Variants in CA5A observed in about 807,000 individuals in gnomAD.
CA5A encodes carbonic anhydrase 5A.
CA5A carries 28 observed loss-of-function variants against 37.1 expected under a neutral mutation model. That is an observed-to-expected ratio of 0.75 (90% CI 0.56 to 1.03). The LOEUF (loss-of-function observed/expected upper bound fraction) is 1.03. Ranked by LOEUF, CA5A falls within the 50% of genes least tolerant of loss-of-function variation. The probability of loss-of-function intolerance (pLI) is 0.00; values close to 1 mark genes in which losing one functional copy is unlikely to be tolerated. For missense variants in CA5A, 444 were observed against 399.9 expected (o/e 1.11, Z -0.94); for synonymous variants, 171 against 158.4 (o/e 1.08, Z -0.60).
intron 2 of CA5A, among the ~76,000 whole-genome samples, chr16:87,913,661 CT>C (rs66729937): frequency 0.22 from 31,317 of 139,692 alleles, 5,119 homozygotes; most frequent in African/African-American, 0.43. Flanking sequence ...TGGCCCCCCC[CT>C]CCTCTCCAAT....
At chr16:87,926,671 C>T in intron 2 of CA5A, 77 bp downstream of exon 2, 2 of 1,170,094 alleles carry the variant, frequency 1.7e-6, no homozygotes, top group Non-Finnish European at 2.5e-6. Flanking sequence ...TCTCCTCCCC[C>T]TTCTCCGCGA....
chr16:87,891,669 A>C (rs767224228), intron 6 of CA5A, 130 bp downstream of exon 6: 10 of 842,128 alleles, frequency 1.2e-5, no homozygotes, highest in African/African-American at 1.8e-5. Context: ...TTCTTGTGTA[A>C]GAATGCCCCA....
At chr16:87,914,858 G>A (rs1186321724) in intron 2 of CA5A, among the ~76,000 whole-genome samples, 2 of 152,226 alleles carry the variant, frequency 1.3e-5, no homozygotes, top group Admixed American at 6.5e-5. Flanking sequence ...TCAGGGGAGG[G>A]GATGGGCACA....
At chr16:87,929,609 A>C (rs910168853) in intron 1 of CA5A, among the ~76,000 whole-genome samples, 4 of 152,158 alleles carry the variant, frequency 2.6e-5, no homozygotes, top group African/African-American at 9.7e-5. Context: ...GCAGTTGCTC[A>C]CGCCTATAAT....
intron 5 of CA5A, among the ~76,000 whole-genome samples, chr16:87,895,461 C>T (rs2055788467): frequency 6.6e-6 from 1 of 152,204 alleles, no homozygotes; most frequent in Non-Finnish European, 1.5e-5. Context: ...AGGAGAATCA[C>T]TTAAACCCGG....
chr16:87,924,690 T>TG (rs35253413), intron 2 of CA5A, among the ~76,000 whole-genome samples: 1 of 152,252 alleles, frequency 6.6e-6, no homozygotes, highest in East Asian at 1.9e-4. Context: ...CAGCAGGAGC[T>TG]GGGGAAGCCC....
At chr16:87,903,549 ATTG>A (rs151124453) in intron 3 of CA5A, among the ~76,000 whole-genome samples, 24,798 of 152,210 alleles carry the variant, frequency 0.16, 2,251 homozygotes, top group South Asian at 0.28. Context: ...CACAGAAGCC[ATTG>A]TTGTGCTCAT....
intron 2 of CA5A, among the ~76,000 whole-genome samples, chr16:87,909,582 G>A (rs751403220): frequency 1.2e-4 from 19 of 152,322 alleles, no homozygotes; most frequent in Middle Eastern, 3.4e-3. Flanking sequence ...CGCGCGGGGC[G>A]CACGCATTTC....
intron 1 of CA5A, among the ~76,000 whole-genome samples, chr16:87,929,655 G>A (rs12711484): frequency 0.78 from 118,340 of 151,526 alleles, 47,206 homozygotes; most frequent in African/African-American, 0.92. Context: ...GGCGGATCAC[G>A]AGGTCAGGAG....
intron 6 of CA5A, among the ~76,000 whole-genome samples, chr16:87,888,620 C>T (rs1338009384): frequency 6.6e-6 from 1 of 152,168 alleles, no homozygotes; most frequent in Non-Finnish European, 1.5e-5. Context: ...GGAATGAATC[C>T]TCTAGCCCTA....
chr16:87,931,225 C>T (rs1242995900), intron 1 of CA5A, among the ~76,000 whole-genome samples: 1 of 151,554 alleles, frequency 6.6e-6, no homozygotes, highest in Non-Finnish European at 1.5e-5. Flanking sequence ...GATTCTCCTG[C>T]CTCAGTCTCC....
chr16:87,910,459 G>C (rs1331247445), intron 2 of CA5A, among the ~76,000 whole-genome samples: 2 of 152,192 alleles, frequency 1.3e-5, no homozygotes, highest in African/African-American at 4.8e-5. Flanking sequence ...ACCTCACCCA[G>C]GTCTGACGGT....
rs142006568 is a variant in CA5A, at chr16:87,891,883, G to A, written c.690C>T (p.Tyr230=). The A allele has an allele frequency of 2.8e-4, 435 of 1,574,044 alleles. 1 individual carries two copies. Among genetic ancestry groups the A allele is most frequent in the Non-Finnish European group, 3.3e-4 (389 of 1,161,572 alleles). The part of the protein sequence containing the change: ...LLPTCWDYWT[Y]AGSLTTPPLT... ...GCGGCGGGGTGGTGAGCGAGCCCGC[G>A]TAGGTCCAGTAATCCCAGCAGGTGG... The change falls in exon 6 of 7, where the codon TAC becomes TAT. Residue 230 remains tyrosine (Y), a synonymous_variant. Transcript: ENST00000649794.
chr16:87,890,443 C>T (rs1199633928), intron 6 of CA5A, among the ~76,000 whole-genome samples: 2 of 152,104 alleles, frequency 1.3e-5, no homozygotes, highest in Non-Finnish European at 1.5e-5. Context: ...CTGGAGCCCT[C>T]GGAAAGAGAT....
At chr16:87,930,161 A>G (rs1270046783) in intron 1 of CA5A, among the ~76,000 whole-genome samples, 1 of 152,116 alleles carries the variant, frequency 6.6e-6, no homozygotes, top group Non-Finnish European at 1.5e-5. Context: ...GAATCTCAGC[A>G]GGGGGTTGGT....
At chr16:87,897,129 G>A (rs760992515) in intron 5 of CA5A, among the ~76,000 whole-genome samples, 11 of 152,224 alleles carry the variant, frequency 7.2e-5, no homozygotes, top group South Asian at 2.1e-4. Context: ...AGGTGCTGCC[G>A]CTGCTGCTGC....
intron 2 of CA5A, among the ~76,000 whole-genome samples, chr16:87,906,480 A>T (rs941742658): frequency 5.9e-5 from 9 of 152,052 alleles, no homozygotes; most frequent in Non-Finnish European, 1.3e-4. Context: ...TACAAAAATT[A>T]GCTGGGTGTG....
intron 5 of CA5A, chr16:87,892,858 G>A (rs1030918893): frequency 9.5e-5 from 37 of 388,190 alleles, no homozygotes; most frequent in Admixed American, 3.4e-4. Flanking sequence ...GTCTCACCAT[G>A]TTAGCCAGGC....
At chr16:87,893,187 G>C (rs1178292173) in intron 5 of CA5A, 1 of 429,904 alleles carries the variant, frequency 2.3e-6, no homozygotes, top group African/African-American at 2.1e-5. Flanking sequence ...GAGTGCAGTG[G>C]TGCGATCTCA....
Sources: gnomAD v4.1 joint callset for allele counts (sites outside exome capture counted in the v4.1 genomes callset) on GRCh38, gnomAD v4.1.1 for gene constraint, MANE v1.5 for transcripts, NCBI Gene and HGNC (gene_info 2026-07-23, HGNC 2026-07-21) for gene names.